The following ZNF385B variants were observed in gnomAD, a reference collection of about 807,000 sequenced individuals.
ZNF385B encodes the protein zinc finger protein 533.
ZNF385B carries 23 observed loss-of-function variants against 39.2 expected under a neutral mutation model. The observed-to-expected ratio is 0.59, with a 90% CI of 0.42 to 0.83. The LOEUF is 0.83. Among genes scored for constraint, ZNF385B ranks in the 40% least tolerant of loss-of-function variants. The pLI, the probability that ZNF385B is intolerant of heterozygous loss-of-function variation, is 0.00. For synonymous variants in ZNF385B, 205 were observed against 222.6 expected (o/e 0.92, Z 0.70); for missense variants, 552 against 598.9 (o/e 0.92, Z 0.82).
chr2:179,479,047 C>T (rs748047681), intron 6 of ZNF385B, among the ~76,000 whole-genome samples: 5 of 152,114 alleles, frequency 3.3e-5, no homozygotes, highest in Non-Finnish European at 7.4e-5. Context: ...TTCCTCCCTC[C>T]CATTATGTTT....
At chr2:179,740,634 C>T (rs188697965) in intron 3 of ZNF385B, among the ~76,000 whole-genome samples, 83 of 152,224 alleles carry the variant, frequency 5.5e-4, no homozygotes, top group Non-Finnish European at 8.5e-4. Flanking sequence ...ATAACAAACA[C>T]GTCACACAAC....
chr2:179,559,642 G>GTTC (rs142425931), intron 3 of ZNF385B, among the ~76,000 whole-genome samples: 23,718 of 151,268 alleles, frequency 0.16, 1,942 homozygotes, highest in African/African-American at 0.18. Flanking sequence ...TGACTGTCGG[G>GTTC]TTTTTTTTAA....
At position 179,738,080 on chromosome 2, in the gene ZNF385B, C is replaced by T. The variant is rs1242243582; in HGVS notation, c.298+31423G>A. Reference sequence around the variant, plus strand: ...ATCATATGCCTAAGTCACAATCTGCCTTTTGCTTCAGTAACACCCATGAGG... The same window carrying T: ...ATCATATGCCTAAGTCACAATCTGCTTTTTGCTTCAGTAACACCCATGAGG... On this transcript the variant is annotated intron_variant, in intron 3 of 9. Coordinates refer to ENST00000410066, the MANE Select transcript of ZNF385B (RefSeq NM_152520.6). Among the ~76,000 whole-genome samples, 2 of 152,152 alleles carry T rather than the reference C, an allele frequency of 1.3e-5. 1 individual carries two copies. Among genetic ancestry groups the T allele is most frequent in the Non-Finnish European group, 2.9e-5 (2 of 68,026 alleles).
intron 3 of ZNF385B, among the ~76,000 whole-genome samples, chr2:179,650,342 C>T (rs1200807277): frequency 1.3e-5 from 2 of 152,098 alleles, no homozygotes; most frequent in Non-Finnish European, 1.5e-5. Context: ...ACATTTAGTT[C>T]CATTATATCA....
intron 5 of ZNF385B, among the ~76,000 whole-genome samples, chr2:179,507,078 A>G (rs2057305684): frequency 6.6e-6 from 1 of 152,202 alleles, no homozygotes; most frequent in Non-Finnish European, 1.5e-5. Context: ...AGAGAAATAA[A>G]GACAAAGATT....
At chr2:179,647,272 CT>C (rs11362728) in intron 3 of ZNF385B, among the ~76,000 whole-genome samples, 4,760 of 149,744 alleles carry the variant, frequency 0.032, 221 homozygotes, top group African/African-American at 0.11. Flanking sequence ...TTCCTTTAAT[CT>C]TTTTTTTTTG....
intron 6 of ZNF385B, among the ~76,000 whole-genome samples, chr2:179,466,848 G>A (rs912891093): frequency 1.4e-5 from 2 of 144,622 alleles, no homozygotes; most frequent in African/African-American, 5.2e-5. Context: ...CTGAACCCAG[G>A]AGGCAGAGAT....
chr2:179,700,121 A>C (rs2106362243), intron 3 of ZNF385B, among the ~76,000 whole-genome samples: 1 of 152,108 alleles, frequency 6.6e-6, no homozygotes, highest in East Asian at 1.9e-4. Flanking sequence ...CATTTTCATC[A>C]AAAAAGCCTC....
rs535221717 is a variant in ZNF385B, at chr2:179,803,079, C to T, written c.-154-32407G>A. Among the ~76,000 whole-genome samples, 11 of 152,254 alleles carry T rather than the reference C, an allele frequency of 7.2e-5. No homozygotes were observed. The East Asian group carries it at 1.7e-3, about 24-fold the overall frequency. On this transcript the variant is annotated intron_variant, in intron 1 of 9. Coordinates refer to ENST00000410066, the MANE Select transcript of ZNF385B (RefSeq NM_152520.6). ...TTGTGAGGGAAACATTTTTATCATC[C>T]TCATGTTACGATGAAGAAACTGAGG... is the stretch of plus-strand genomic sequence containing the variant.
intron 6 of ZNF385B, among the ~76,000 whole-genome samples, chr2:179,471,903 T>G (rs1009568746): frequency 6.6e-6 from 1 of 152,248 alleles, no homozygotes; most frequent in Non-Finnish European, 1.5e-5. Flanking sequence ...CTATGTTGCT[T>G]CTTTTATTTA....
chr2:179,673,451 C>T (rs887634999), intron 3 of ZNF385B, among the ~76,000 whole-genome samples: 1 of 151,660 alleles, frequency 6.6e-6, no homozygotes, highest in Non-Finnish European at 1.5e-5. Flanking sequence ...GATAGTAGAC[C>T]CCATAATGAT....
intron 3 of ZNF385B, among the ~76,000 whole-genome samples, chr2:179,717,278 C>T (rs61200535): frequency 0.15 from 22,441 of 152,152 alleles, 2,103 homozygotes; most frequent in East Asian, 0.5. Context: ...AACAAATATA[C>T]ACATTCTAAA....
At chr2:179,617,842 T>G (rs1250432807) in intron 3 of ZNF385B, among the ~76,000 whole-genome samples, 1 of 152,124 alleles carries the variant, frequency 6.6e-6, no homozygotes. Context: ...AGGAGGTAAT[T>G]TTCAACCCTT....
intron 1 of ZNF385B, among the ~76,000 whole-genome samples, chr2:179,799,529 G>T (rs1159264149): frequency 2.0e-5 from 3 of 151,964 alleles, no homozygotes; most frequent in Non-Finnish European, 4.4e-5. Flanking sequence ...TTTCTTGCTT[G>T]TAGAAATTTA....
At chr2:179,847,457 T>G (rs897840672) in intron 1 of ZNF385B, among the ~76,000 whole-genome samples, 1 of 152,210 alleles carries the variant, frequency 6.6e-6, no homozygotes. Context: ...AAAAGTGAGG[T>G]CCACTAAAGA....
At chr2:179,702,059 T>C (rs1699248300) in intron 3 of ZNF385B, among the ~76,000 whole-genome samples, 1 of 150,044 alleles carries the variant, frequency 6.7e-6, no homozygotes, top group Non-Finnish European at 1.5e-5. Context: ...CACGTTTTCA[T>C]TTTTTTTTAA....
chr2:179,639,773 A>G (rs1278494604), intron 3 of ZNF385B, among the ~76,000 whole-genome samples: 2 of 152,218 alleles, frequency 1.3e-5, no homozygotes, highest in African/African-American at 4.8e-5. Flanking sequence ...ACCACTAGGG[A>G]AAAATCTGGG....
chr2:179,548,233 C>T (rs2060356506), intron 3 of ZNF385B, among the ~76,000 whole-genome samples: 1 of 149,514 alleles, frequency 6.7e-6, no homozygotes, highest in Non-Finnish European at 1.5e-5. Context: ...TCTAAATACT[C>T]TGGCTAGAAC....
At chr2:179,576,714 T>C (rs1685862985) in intron 3 of ZNF385B, among the ~76,000 whole-genome samples, 1 of 152,196 alleles carries the variant, frequency 6.6e-6, no homozygotes, top group Non-Finnish European at 1.5e-5. Context: ...TAGTCTATAA[T>C]GACTTCAGAG....
Sources: gnomAD v4.1 joint callset for allele counts (sites outside exome capture counted in the v4.1 genomes callset) on GRCh38, gnomAD v4.1.1 for gene constraint, MANE v1.5 for transcripts, NCBI Gene and HGNC (gene_info 2026-07-23, HGNC 2026-07-21) for gene names.